RANBP2: variants seen among roughly 807,000 people sequenced by gnomAD.
The protein encoded by RANBP2 is E3 SUMO-protein ligase RanBP2.
RANBP2 carries 57 observed loss-of-function variants against 303.6 expected under a neutral mutation model. That is an observed-to-expected ratio of 0.19 (90% CI 0.15 to 0.23). RANBP2 has a LOEUF of 0.23. Among genes scored for constraint, RANBP2 ranks in the 10% least tolerant of loss-of-function variants. The pLI is 1.00. For missense variants in RANBP2, 3,138 were observed against 3,780.8 expected, an observed-to-expected ratio of 0.83 and a Z score of 4.46; for synonymous variants, 1,167 against 1,301.5, an observed-to-expected ratio of 0.90 and a Z score of 2.23.
intron 1 of RANBP2, among the ~76,000 whole-genome samples, chr2:108,728,732 C>T (rs1254398492): frequency 6.6e-6 from 1 of 152,176 alleles, no homozygotes; most frequent in Non-Finnish European, 1.5e-5. Flanking sequence ...GCAACCTCCA[C>T]CTCCTGGGTT....
the RANBP2 span, among the ~76,000 whole-genome samples, chr2:108,889,393 G>A: frequency 6.6e-6 from 1 of 152,080 alleles, no homozygotes; most frequent in Non-Finnish European, 1.5e-5. Flanking sequence ...GAGAGATGAA[G>A]TCTCTGACTG....
the RANBP2 span, among the ~76,000 whole-genome samples, chr2:108,800,608 C>CTTTTTTTTTTT: frequency 4.5e-4 from 15 of 33,484 alleles, no homozygotes; most frequent in Non-Finnish European, 6.2e-4. Context: ...CTCAGTTTAG[C>CTTTTTTTTTTT]TTTTTTTTTT....
At chr2:109,429,983 C>T in the RANBP2 span, among the ~76,000 whole-genome samples, 1 of 152,226 alleles carries the variant, frequency 6.6e-6, no homozygotes, top group Non-Finnish European at 1.5e-5. Flanking sequence ...CAGCCCACCC[C>T]ACACAGGCCA....
chr2:108,788,932 T>A, downstream of RANBP2: 1 of 1,614,134 alleles, frequency 6.2e-7, no homozygotes, highest in Non-Finnish European at 8.5e-7. Flanking sequence ...TAGAACACCA[T>A]TGGGCAGCTT....
chr2:109,198,116 C>T, the RANBP2 span, among the ~76,000 whole-genome samples: 1 of 152,132 alleles, frequency 6.6e-6, no homozygotes, highest in Non-Finnish European at 1.5e-5. Flanking sequence ...CATTTGAAGT[C>T]TCTCAGTACC....
the RANBP2 span, among the ~76,000 whole-genome samples, chr2:109,233,202 C>A: frequency 6.6e-6 from 1 of 152,176 alleles, no homozygotes; most frequent in Non-Finnish European, 1.5e-5. Flanking sequence ...ACACCTTGTC[C>A]TCTTGGTACC....
At chr2:108,936,978 G>A in the RANBP2 span, among the ~76,000 whole-genome samples, 1 of 152,200 alleles carries the variant, frequency 6.6e-6, no homozygotes, top group Non-Finnish European at 1.5e-5. Flanking sequence ...AGCCGGTCCT[G>A]TTCCCAGCCT....
chr2:109,225,539 C>T, the RANBP2 span, among the ~76,000 whole-genome samples: 2 of 152,244 alleles, frequency 1.3e-5, no homozygotes, highest in South Asian at 4.1e-4. Flanking sequence ...GAGTTTTCTC[C>T]TGAGAGTTAG....
At chr2:109,154,493 G>A in the RANBP2 span, among the ~76,000 whole-genome samples, 1 of 152,208 alleles carries the variant, frequency 6.6e-6, no homozygotes, top group Non-Finnish European at 1.5e-5. Context: ...GCCAGGCCTC[G>A]AGGCTTCCTC....
At chr2:109,182,270 C>T in the RANBP2 span, among the ~76,000 whole-genome samples, 74,598 of 152,036 alleles carry the variant, frequency 0.49, 19,381 homozygotes, top group South Asian at 0.61. Context: ...CAGAAGGCAT[C>T]GCATGGTGAG....
At chr2:109,519,047 T>G in the RANBP2 span, among the ~76,000 whole-genome samples, 31 of 151,618 alleles carry the variant, frequency 2.0e-4, no homozygotes, top group Middle Eastern at 3.4e-3. Flanking sequence ...GCCTCCCAAG[T>G]ATCTGGGATT....
chr2:108,792,110 G>A, the RANBP2 span, among the ~76,000 whole-genome samples: 1 of 152,160 alleles, frequency 6.6e-6, no homozygotes, highest in East Asian at 1.9e-4. Context: ...ATTATTTGAA[G>A]TATGGATTTC....
chr2:109,539,441 C>G, the RANBP2 span, among the ~76,000 whole-genome samples: 1 of 152,122 alleles, frequency 6.6e-6, no homozygotes, highest in Non-Finnish European at 1.5e-5. Context: ...ACCCGTGAAG[C>G]CTGGCAACCA....
chr2:109,496,733 A>G, the RANBP2 span, among the ~76,000 whole-genome samples: 20 of 152,272 alleles, frequency 1.3e-4, no homozygotes, highest in Admixed American at 3.9e-4. Context: ...AAAGATGTCT[A>G]TGCCCTAAAC....
the RANBP2 span, among the ~76,000 whole-genome samples, chr2:109,254,250 A>G: frequency 6.6e-6 from 1 of 152,140 alleles, no homozygotes; most frequent in African/African-American, 2.4e-5. Flanking sequence ...AGGACAATCA[A>G]TATGTTTTTC....
chr2:109,124,276 G>C, the RANBP2 span: 1 of 152,130 alleles, frequency 6.6e-6, no homozygotes, highest in African/African-American at 2.4e-5. Context: ...CTGGGTTCAA[G>C]CGATTCTCCT....
chr2:109,535,026 G>A, the RANBP2 span, among the ~76,000 whole-genome samples: 1 of 152,068 alleles, frequency 6.6e-6, no homozygotes. Flanking sequence ...ATCAGTGATC[G>A]AGTTGACACT....
chr2:109,292,705 A>G, the RANBP2 span, among the ~76,000 whole-genome samples: 1 of 152,292 alleles, frequency 6.6e-6, no homozygotes, highest in African/African-American at 2.4e-5. Context: ...GGCCTGGTCC[A>G]TGTAACAGCA....
the RANBP2 span, among the ~76,000 whole-genome samples, chr2:108,794,319 A>G: frequency 6.6e-6 from 1 of 152,208 alleles, no homozygotes; most frequent in Non-Finnish European, 1.5e-5. Flanking sequence ...TTTCAGACTT[A>G]CAGAAAAGTT....
Sources: allele counts gnomAD v4.1 joint callset (sites outside exome capture counted in the v4.1 genomes callset), GRCh38; gene constraint gnomAD v4.1.1; transcripts MANE v1.5; gene names NCBI Gene and HGNC (gene_info 2026-07-23, HGNC 2026-07-21).